The following CLIP4 variants were observed in gnomAD, a reference collection of about 807,000 sequenced individuals.
CLIP4 encodes the protein CAP-Gly domain-containing linker protein 4.
Under a neutral mutation model 73.1 loss-of-function variants are expected in CLIP4, and 47 were observed. The ratio of observed to expected loss-of-function variants is 0.64; its 90% CI spans 0.51 to 0.82. The LOEUF is 0.82. CLIP4 is among the 40% of genes least tolerant of loss of function. The pLI is 0.00. For missense variants in CLIP4, 874 were observed against 852.9 expected (o/e 1.02, Z -0.31); for synonymous variants, 306 against 295.4 (o/e 1.04, Z -0.37).
At position 29,182,804 on chromosome 2, in the gene CLIP4, T is replaced by C. The variant is rs1668705551; in HGVS notation, c.*911T>C. On this transcript the variant is annotated 3_prime_UTR_variant, in exon 16 of 16. Coordinates refer to ENST00000320081, the MANE Select transcript of CLIP4 (RefSeq NM_024692.6). The stretch of plus-strand genomic sequence containing the variant: ...AAAGCACTTTTCAAACATGATGCAC[T>C]TTTATCTTTGTGAATAATTTACTGT... 6.5e-6 allele frequency: 1 copy of C among 152,688 alleles called. No homozygotes were observed. Among genetic ancestry groups the C allele is most frequent in the South Asian group, 2.1e-4 (1 of 4,838 alleles). The allele number at this position is 152,688 out of a possible 1,614,324, so 9.5% of individuals were successfully genotyped here. A position where few individuals can be genotyped will look rare whatever the true frequency, so the allele number is the denominator to read the frequency against.
chr2:29,107,524 A>ACCATGCCCGGCTAATTT (rs1668261871), intron 1 of CLIP4, among the ~76,000 whole-genome samples: 1 of 148,758 alleles, frequency 6.7e-6, no homozygotes, highest in East Asian at 2.0e-4. Flanking sequence ...GGTGCCTGCT[A>ACCATGCCCGGCTAATTT]CCATGCCCGG....
At chr2:29,106,056 C>CTTTTT (rs34819898) in intron 1 of CLIP4, among the ~76,000 whole-genome samples, 154 of 144,960 alleles carry the variant, frequency 1.1e-3, no homozygotes, top group African/African-American at 3.7e-3. Flanking sequence ...AGCATTTAAT[C>CTTTTT]TTTTTTTTTT....
chr2:29,145,147 C>A, intron 7 of CLIP4, 85 bp from the exon 8 acceptor site: 1 of 1,184,610 alleles, frequency 8.4e-7, no homozygotes, highest in Non-Finnish European at 1.2e-6. Context: ...TTTAAAAACT[C>A]CCATGGTGAA....
At chr2:29,172,821 C>G (rs1251517468) in intron 14 of CLIP4, among the ~76,000 whole-genome samples, 1 of 152,046 alleles carries the variant, frequency 6.6e-6, no homozygotes, top group Non-Finnish European at 1.5e-5. Flanking sequence ...CTCTCTTCAG[C>G]TATGTTTATT....
rs1667211628 is a variant in CLIP4 at position 29,160,429 on chromosome 2, G to T, written c.1496G>T (p.Gly499Val). ...GTGTTAGTGGTAGGACAGAGACTGG[G>T]CACCATTAGGTTCTTTGGGACAACA... is the stretch of plus-strand genomic sequence containing the variant. Reference protein sequence around the residue: ...ERVLVVGQRLGTIRFFGTTNF... With the variant: ...ERVLVVGQRLVTIRFFGTTNF... Residue 499 changes from glycine to valine, a missense_variant, in exon 12 of 16, where the codon GGC (glycine) becomes GTC (valine). Transcript: ENST00000320081. 3 of 1,614,002 alleles carry T rather than the reference G, an allele frequency of 1.9e-6. No individual in the cohort carries two copies. Among genetic ancestry groups the T allele is most frequent in the Non-Finnish European group, 1.7e-6 (2 of 1,180,016 alleles).
intron 1 of CLIP4, chr2:29,118,065 C>A (rs577710487): frequency 6.6e-6 from 1 of 152,224 alleles, no homozygotes; most frequent in South Asian, 2.1e-4. Context: ...TAAATACTTA[C>A]GTGGTGAGAT....
intron 14 of CLIP4, among the ~76,000 whole-genome samples, chr2:29,173,600 T>C (rs1044802773): frequency 1.3e-5 from 2 of 152,232 alleles, no homozygotes; most frequent in Admixed American, 1.3e-4. Context: ...TTTAGCCACT[T>C]TGAAATTGTG....
chr2:29,108,446 G>A (rs1474900174), intron 1 of CLIP4, among the ~76,000 whole-genome samples: 4 of 152,288 alleles, frequency 2.6e-5, no homozygotes, highest in East Asian at 3.9e-4. Flanking sequence ...GCAGGATGGC[G>A]TGAGATTTCA....
At position 29,132,246 on chromosome 2, in the gene CLIP4, G is replaced by A. The variant is rs1383712975; in HGVS notation, c.367+1G>A. On this transcript the variant is annotated splice_donor_variant, in intron 4 of 15. Coordinates refer to ENST00000320081, the MANE Select transcript of CLIP4 (RefSeq NM_024692.6). LOFTEE classifies it high-confidence loss of function. Reference sequence around the variant, plus strand: ...TGCAAATCTGGAGCTCATGGTATTGGTAAGTGTGTGGTAAATCTATCAGTT... The same window carrying A: ...TGCAAATCTGGAGCTCATGGTATTGATAAGTGTGTGGTAAATCTATCAGTT... 1.1e-5 allele frequency: 17 copies of A among 1,608,892 alleles called. No homozygotes were observed. Among genetic ancestry groups the A allele is most frequent in the Non-Finnish European group, 1.4e-5 (16 of 1,175,510 alleles).
At chr2:29,102,180 C>T (rs915869450) in intron 1 of CLIP4, among the ~76,000 whole-genome samples, 5 of 152,132 alleles carry the variant, frequency 3.3e-5, no homozygotes, top group Middle Eastern at 3.2e-3. Flanking sequence ...TTAATCTCTT[C>T]TCACTACTAG....
intron 15 of CLIP4, 178 bp downstream of exon 15, chr2:29,174,623 T>C: frequency 7.4e-7 from 1 of 1,348,256 alleles, no homozygotes; most frequent in South Asian, 1.9e-5. Context: ...GCAAGCGCAA[T>C]TAAAAATGTC....
chr2:29,101,669 T>G (rs1668054191), intron 1 of CLIP4, among the ~76,000 whole-genome samples: 1 of 152,186 alleles, frequency 6.6e-6, no homozygotes, highest in South Asian at 2.1e-4. Context: ...TTGCATCCTT[T>G]AATCCAATCA....
chr2:29,181,502 A>G, intron 15 of CLIP4, 70 bp from the exon 16 acceptor site: 5 of 1,225,840 alleles, frequency 4.1e-6, no homozygotes, highest in Non-Finnish European at 5.7e-6. Context: ...GGCAGTGGAA[A>G]TGAATATGAT....
chr2:29,182,604 C>T lies in CLIP4; in HGVS notation c.*711C>T, dbSNP rs548105197. 1 of 152,598 alleles carries T rather than the reference C, an allele frequency of 6.6e-6. No homozygotes were observed. The highest frequency in any genetic ancestry group is 2.4e-5 in the African/African-American group (1 of 41,446). 9.5% of individuals were successfully genotyped at this position (152,598 alleles called of 1,614,324 possible). On this transcript the variant is annotated 3_prime_UTR_variant, in exon 16 of 16. Coordinates refer to ENST00000320081, the MANE Select transcript of CLIP4 (RefSeq NM_024692.6). ...GTCTCCTCACTTGTGGCCCAGTGCTCTTTCTGCTATACAAAATGTCTAATC... is the reference window on the plus strand; with the variant it reads ...GTCTCCTCACTTGTGGCCCAGTGCTTTTTCTGCTATACAAAATGTCTAATC...
intron 1 of CLIP4, among the ~76,000 whole-genome samples, chr2:29,108,386 A>G (rs1009797332): frequency 1.3e-5 from 2 of 152,218 alleles, no homozygotes; most frequent in Non-Finnish European, 2.9e-5. Context: ...GAGCATGTAC[A>G]GTGTGGAGGC....
At position 29,157,322 on chromosome 2, in the gene CLIP4, T is replaced by C; in HGVS notation, c.1374T>C (p.Pro458=). 6.2e-7 allele frequency: 1 copy of C among 1,614,072 alleles called. No homozygotes were observed. The highest frequency in any genetic ancestry group is 8.5e-7 in the Non-Finnish European group (1 of 1,179,936). ...ACAAGAAGACAATGAGCAAAAGCCC[T>C]TCCCTTTCATCCAGAGCCAGTGCTG... ...SSNKKTMSKS[P]SLSSRASAGL... The change falls in exon 11 of 16, where the codon CCT becomes CCC. Residue 458 remains proline (P), a synonymous_variant. Transcript: ENST00000320081.
intron 2 of CLIP4, 107 bp from the exon 3 acceptor site, chr2:29,131,151 C>A: frequency 1.0e-6 from 1 of 995,602 alleles, no homozygotes; most frequent in Non-Finnish European, 1.4e-6. Context: ...TTTTTTTTAG[C>A]ATCTAAAATA....
chr2:29,175,030 T>G (rs981306632), intron 15 of CLIP4, among the ~76,000 whole-genome samples: 1 of 152,114 alleles, frequency 6.6e-6, no homozygotes, highest in African/African-American at 2.4e-5. Flanking sequence ...CTGATTGGGT[T>G]TAGAGGTGCT....
At chr2:29,110,723 C>T (rs566769639), upstream of CLIP4, among the ~76,000 whole-genome samples, 179 of 152,302 alleles carry the variant, frequency 1.2e-3, no homozygotes, top group Admixed American at 3.5e-3. Flanking sequence ...GAGTCTCACT[C>T]TGTCCCCTAG....
Sources: allele counts gnomAD v4.1 joint callset (sites outside exome capture counted in the v4.1 genomes callset), GRCh38; gene constraint gnomAD v4.1.1; transcripts MANE v1.5; gene names NCBI Gene and HGNC (gene_info 2026-07-23, HGNC 2026-07-21).